SLC6A5: variants seen among roughly 807,000 people sequenced by gnomAD.
SLC6A5 encodes the protein sodium- and chloride-dependent glycine transporter 2.
SLC6A5 carries 58 observed loss-of-function variants against 90.5 expected under a neutral mutation model. The ratio of observed to expected loss-of-function variants is 0.64; its 90% CI spans 0.52 to 0.80. SLC6A5 has a LOEUF of 0.80. SLC6A5 is among the 30% of genes least tolerant of loss of function. The probability of loss-of-function intolerance (pLI) is 0.00; values close to 1 mark genes in which losing one functional copy is unlikely to be tolerated. For missense variants in SLC6A5, 1,015 were observed against 1,017.6 expected, an observed-to-expected ratio of 1.00 and a Z score of 0.03; for synonymous variants, 427 against 401.4, an observed-to-expected ratio of 1.06 and a Z score of -0.76.
At position 20,607,053 on chromosome 11, in the gene SLC6A5, A is replaced by G. The variant is rs111550381; in HGVS notation, c.726A>G (p.Leu242=). ...TGATGATGCTGGCTCTGGCTGGATT[A>G]CCCATCTTCTTCTTGGAGGTGTCGC... is the stretch of plus-strand genomic sequence containing the variant. ...PYLMMLALAG[L]PIFFLEVSLG... The change falls in exon 4 of 16, where the codon TTA becomes TTG. Residue 242 remains leucine (L), a synonymous_variant. Coordinates refer to ENST00000525748, the MANE Select transcript of SLC6A5 (RefSeq NM_004211.5). 39 of 1,613,746 alleles carry G rather than the reference A, an allele frequency of 2.4e-5. No homozygotes were observed. The highest frequency in any genetic ancestry group is 2.1e-4 in the African/African-American group (16 of 74,906).
At chr11:20,610,427 AC>A (rs1324435170) in intron 5 of SLC6A5, among the ~76,000 whole-genome samples, 1 of 152,198 alleles carries the variant, frequency 6.6e-6, no homozygotes, top group African/African-American at 2.4e-5. Flanking sequence ...TGATCTACAG[AC>A]ATCCAGAGAC....
chr11:20,634,685 G>C (rs867156792), intron 10 of SLC6A5, among the ~76,000 whole-genome samples: 9 of 152,208 alleles, frequency 5.9e-5, no homozygotes, highest in Non-Finnish European at 1.0e-4. Context: ...TCTACAGTCT[G>C]TTCAATAAAT....
chr11:20,630,543 A>G, intron 9 of SLC6A5, 148 bp from the exon 10 acceptor site: 1 of 941,332 alleles, frequency 1.1e-6, no homozygotes, highest in Admixed American at 1.7e-5. Context: ...AGTGAGCCCA[A>G]GGGAGCCTGT....
In SLC6A5 at chr11:20,647,778, CT is replaced by C. The variant is rs1853449302; in HGVS notation, c.2070+846del. 7.2e-5 allele frequency among the ~76,000 whole-genome samples: 11 copies of C among 152,324 alleles called. No homozygotes were observed. In the South Asian group the frequency reaches 2.1e-3, roughly 29 times the overall value. ...TAATTATCAACAGCTTGGATTTGAA[CT>C]TAGGCGGTCTGCCTCTAGAATTCAT... On this transcript the variant is annotated intron_variant, in intron 14 of 15. Coordinates refer to ENST00000525748, the MANE Select transcript of SLC6A5 (RefSeq NM_004211.5).
intron 1 of SLC6A5, among the ~76,000 whole-genome samples, chr11:20,600,927 C>G (rs1025963604): frequency 9.9e-5 from 15 of 152,140 alleles, no homozygotes; most frequent in Non-Finnish European, 2.2e-4. Context: ...ATATTAGCTT[C>G]TTTTTGTCAT....
Position 20,604,359 on chromosome 11 carries a change from T to A in SLC6A5, c.614T>A (p.Val205Glu). Residue 205 changes from valine (V) to glutamate (E), a missense_variant, in exon 3 of 16, where the codon GTG becomes GAG. This residue lies in a region of SLC6A5 where 567 missense variants were observed against 507.3 expected (regional missense o/e 1.12). Coordinates refer to ENST00000525748, the MANE Select transcript of SLC6A5 (RefSeq NM_004211.5). ...AAACTGGACTTCATCCTGTCCATGGTGGGGTACGCAGTGGGGCTGGGCAAT... is the reference window on the plus strand; with the variant it reads ...AAACTGGACTTCATCCTGTCCATGGAGGGGTACGCAGTGGGGCTGGGCAAT... ...SSKLDFILSM[V>E]GYAVGLGNVW... 1 of 1,613,898 alleles carries A rather than the reference T, an allele frequency of 6.2e-7. No individual in the cohort carries two copies.
At chr11:20,645,174 A>G (rs190746048) in intron 13 of SLC6A5, among the ~76,000 whole-genome samples, 1 of 152,238 alleles carries the variant, frequency 6.6e-6, no homozygotes, top group Non-Finnish European at 1.5e-5. Flanking sequence ...GGAAAACTCC[A>G]GTCTCTGCTT....
At chr11:20,615,270 G>T (rs577978655) in intron 6 of SLC6A5, among the ~76,000 whole-genome samples, 1 of 152,046 alleles carries the variant, frequency 6.6e-6, no homozygotes, top group Admixed American at 6.6e-5. Flanking sequence ...TATCAGTATT[G>T]CTAGGCATTG....
chr11:20,604,295 C>A lies in SLC6A5; in HGVS notation c.550C>A (p.Gln184Lys), dbSNP rs2133771398. ...VATVATQEDE[Q>K]GDENKARGNW... ...GCTTTTCCGCCCCCAGGAGGACGAG[C>A]AAGGGGATGAGAATAAGGCCCGAGG... Residue 184 changes from glutamine to lysine, a missense_variant, in exon 3 of 16, where the codon CAA (glutamine) becomes AAA (lysine). Gln to Lys is a moderately conservative substitution (Grantham distance 53). Coordinates refer to ENST00000525748, the MANE Select transcript of SLC6A5 (RefSeq NM_004211.5). The A allele has an allele frequency of 1.9e-6, 3 of 1,611,388 alleles. No homozygotes were observed. Among genetic ancestry groups the A allele is most frequent in the Admixed American group, 3.3e-5 (2 of 59,892 alleles).
chr11:20,609,283 A>AT (rs35256884), intron 5 of SLC6A5, among the ~76,000 whole-genome samples: 10,651 of 145,294 alleles, frequency 0.073, 1,056 homozygotes, highest in African/African-American at 0.23. Context: ...TTAATTTTTA[A>AT]TTTTTTTTTT....
rs1412067797 is a variant in SLC6A5, at chr11:20,657,619, C to T, written c.*2751C>T. 6.6e-6 allele frequency: 1 copy of T among 152,130 alleles called. No individual in the cohort carries two copies. The highest frequency in any genetic ancestry group is 1.5e-5 in the Non-Finnish European group (1 of 68,010). 9.4% of individuals were successfully genotyped at this position (152,130 alleles called of 1,614,324 possible). On this transcript the variant is annotated 3_prime_UTR_variant, in exon 16 of 16. Transcript: ENST00000525748. ...TAGAAACTGGCACCTGAAAACTTCCCTTCAAAGTGGGGGAAAAAACCGAGT... is the reference window on the plus strand; with the variant it reads ...TAGAAACTGGCACCTGAAAACTTCCTTTCAAAGTGGGGGAAAAAACCGAGT...
chr11:20,657,446 A>T lies in SLC6A5; in HGVS notation c.*2578A>T, dbSNP rs1853650964. On this transcript the variant is annotated 3_prime_UTR_variant, in exon 16 of 16. Transcript: ENST00000525748. ...TCCAAGATTTATTTCCCTTTGTTTAAAGGGACACGCTTAGGTGAAAGGTTC... is the reference window on the plus strand; with the variant it reads ...TCCAAGATTTATTTCCCTTTGTTTATAGGGACACGCTTAGGTGAAAGGTTC... 6.6e-6 allele frequency: 1 copy of T among 152,068 alleles called. No individual in the cohort carries two copies. The highest frequency in any genetic ancestry group is 6.5e-5 in the Admixed American group (1 of 15,268). The allele number at this position is 152,068 out of a possible 1,614,324, so 9.4% of individuals were successfully genotyped here. A position where few individuals can be genotyped will look rare whatever the true frequency, so the allele number is the denominator to read the frequency against.
At chr11:20,604,483 G>A in intron 3 of SLC6A5, 59 bp downstream of exon 3, 1 of 1,595,764 alleles carries the variant, frequency 6.3e-7, no homozygotes, top group Non-Finnish European at 8.5e-7. Flanking sequence ...TGAGGGTTGG[G>A]TGGGACAGGA....
chr11:20,640,934 C>T (rs1853301515), intron 13 of SLC6A5, among the ~76,000 whole-genome samples: 4 of 152,078 alleles, frequency 2.6e-5, no homozygotes. Flanking sequence ...CTTCTTGTTT[C>T]TAATAATCTC....
chr11:20,633,544 AGCCCCTTGCT>A (rs1207155042), intron 10 of SLC6A5, among the ~76,000 whole-genome samples: 90 of 152,292 alleles, frequency 5.9e-4, no homozygotes, highest in African/African-American at 2.1e-3. Flanking sequence ...CACTGACCAG[AGCCCCTTGCT>A]GTGTCTTTAG....
At chr11:20,642,363 T>A (rs1853330764) in intron 13 of SLC6A5, among the ~76,000 whole-genome samples, 2 of 152,100 alleles carry the variant, frequency 1.3e-5, no homozygotes, top group African/African-American at 4.8e-5. Context: ...CTCTTTGACA[T>A]CTCAGTTCAG....
rs535681921 is a variant in SLC6A5, at chr11:20,601,733, C to T, written c.540+68C>T. On this transcript the variant is annotated intron_variant, in intron 2 of 15. Coordinates refer to ENST00000525748, the MANE Select transcript of SLC6A5 (RefSeq NM_004211.5). Reference sequence around the variant, plus strand: ...AGCTGCGCGAGAGAGGCCAGCCGGGCCGTGGCGGGTGCACGTATGCTGATG... The same window carrying T: ...AGCTGCGCGAGAGAGGCCAGCCGGGTCGTGGCGGGTGCACGTATGCTGATG... The T allele has an allele frequency of 3.1e-5, 47 of 1,529,264 alleles. No homozygotes were observed. The African/African-American group carries it at 5.3e-4, about 17-fold the overall frequency. 94.7% of individuals were successfully genotyped at this position (1,529,264 alleles called of 1,614,324 possible).
rs376466697 is a variant in SLC6A5, at chr11:20,617,875, T to C, written c.1251T>C (p.Thr417=). ...CATCATTGGCTAAAGGAATCAAGACTTCAGGAAAAGTAAGCACTTGGATTT... is the reference window on the plus strand; with the variant it reads ...CATCATTGGCTAAAGGAATCAAGACCTCAGGAAAAGTAAGCACTTGGATTT... ...VYASLAKGIK[T]SGKVVYFTAT... The change falls in exon 7 of 16, where the codon ACT becomes ACC. Residue 417 remains threonine, a synonymous_variant. Transcript: ENST00000525748. The C allele has an allele frequency of 1.4e-5, 23 of 1,613,394 alleles. No individual in the cohort carries two copies. Among genetic ancestry groups the C allele is most frequent in the Non-Finnish European group, 1.9e-5 (23 of 1,179,906 alleles).
At chr11:20,651,441 T>C (rs1853530152) in intron 14 of SLC6A5, among the ~76,000 whole-genome samples, 1 of 150,834 alleles carries the variant, frequency 6.6e-6, no homozygotes, top group Admixed American at 6.6e-5. Context: ...GCCTGGCTAA[T>C]TTTTATATTT....
Sources: allele counts gnomAD v4.1 joint callset (sites outside exome capture counted in the v4.1 genomes callset), GRCh38; gene constraint gnomAD v4.1.1; regional missense constraint gnomAD v4.1.1; transcripts MANE v1.5; gene names NCBI Gene and HGNC (gene_info 2026-07-23, HGNC 2026-07-21).